LRRC4C: variants seen among roughly 807,000 people sequenced by gnomAD.
LRRC4C encodes leucine-rich repeat-containing protein 4C.
LRRC4C carries 5 observed loss-of-function variants against 33.6 expected under a neutral mutation model. That is an observed-to-expected ratio of 0.15 (90% CI 0.08 to 0.31). The LOEUF (loss-of-function observed/expected upper bound fraction) is 0.31. LRRC4C is among the 10% of genes least tolerant of loss of function. The pLI is 1.00. For synonymous variants in LRRC4C, 329 were observed against 302.0 expected, an observed-to-expected ratio of 1.09 and a Z score of -0.93; for missense variants, 560 against 796.7, an observed-to-expected ratio of 0.70 and a Z score of 3.58.
intron 2 of LRRC4C, among the ~76,000 whole-genome samples, chr11:40,882,479 T>C (rs899157102): frequency 6.6e-6 from 1 of 152,066 alleles, no homozygotes. Context: ...ATTTTGGCAT[T>C]GCTCTTTCTT....
At chr11:41,266,012 G>C (rs1190204465) in intron 1 of LRRC4C, among the ~76,000 whole-genome samples, 1 of 152,012 alleles carries the variant, frequency 6.6e-6, no homozygotes, top group Admixed American at 6.6e-5. Flanking sequence ...TCACATGGTA[G>C]CTGGGAGATA....
rs1288195075 is a variant in LRRC4C, at chr11:41,374,853, G to T, written c.-496+84578C>A. 2.6e-5 allele frequency among the ~76,000 whole-genome samples: 4 copies of T among 152,134 alleles called. No individual in the cohort carries two copies. The East Asian group carries it at 7.7e-4, about 29-fold the overall frequency. On this transcript the variant is annotated intron_variant, in intron 1 of 6. Coordinates refer to ENST00000528697, the MANE Select transcript of LRRC4C (RefSeq NM_001258419.2). Reference sequence around the variant, plus strand: ...TAACCTTAAAATATTATAGGAAAATGGCTGGGCATGGTGCCTCACACCAGT... The same window carrying T: ...TAACCTTAAAATATTATAGGAAAATTGCTGGGCATGGTGCCTCACACCAGT...
chr11:40,974,129 A>G (rs1174279653), intron 1 of LRRC4C, among the ~76,000 whole-genome samples: 2 of 152,216 alleles, frequency 1.3e-5, no homozygotes, highest in East Asian at 3.8e-4. Flanking sequence ...TTCATCCCAT[A>G]TAGGAAGTAT....
intron 1 of LRRC4C, among the ~76,000 whole-genome samples, chr11:41,408,568 A>G (rs1016826477): frequency 2.6e-5 from 4 of 152,150 alleles, no homozygotes; most frequent in Non-Finnish European, 4.4e-5. Flanking sequence ...AGTATCTGCC[A>G]GGATACCTAA....
At chr11:41,181,338 A>G (rs1565457246) in intron 1 of LRRC4C, among the ~76,000 whole-genome samples, 1 of 152,154 alleles carries the variant, frequency 6.6e-6, no homozygotes, top group African/African-American at 2.4e-5. Context: ...ATACTGAAAC[A>G]GTGATCTCTG....
chr11:40,368,990 GA>G (rs1281547218), intron 3 of LRRC4C, among the ~76,000 whole-genome samples: 1 of 152,200 alleles, frequency 6.6e-6, no homozygotes, highest in Non-Finnish European at 1.5e-5. Flanking sequence ...GCAAATAAAT[GA>G]GGCTCATAAA....
At chr11:40,310,515 T>C (rs1945253191) in intron 4 of LRRC4C, among the ~76,000 whole-genome samples, 1 of 152,198 alleles carries the variant, frequency 6.6e-6, no homozygotes, top group Non-Finnish European at 1.5e-5. Flanking sequence ...TCTATAATCG[T>C]GCATCAATCG....
chr11:41,150,617 C>A (rs1943947618), intron 1 of LRRC4C, among the ~76,000 whole-genome samples: 1 of 151,812 alleles, frequency 6.6e-6, no homozygotes, highest in South Asian at 2.1e-4. Context: ...TGGTAAAACC[C>A]CATCTCTACT....
At chr11:41,279,959 C>T (rs1286345731) in intron 1 of LRRC4C, among the ~76,000 whole-genome samples, 2 of 151,798 alleles carry the variant, frequency 1.3e-5, no homozygotes, top group Non-Finnish European at 2.9e-5. Context: ...TCATTATTTT[C>T]CTGATCTCTC....
In LRRC4C at chr11:40,825,228, A is replaced by G. The variant is rs896728230; in HGVS notation, c.-407+108407T>C. Among the ~76,000 whole-genome samples, 6 of 152,024 alleles carry G rather than the reference A, an allele frequency of 3.9e-5. No homozygotes were observed. The South Asian group carries it at 1.2e-3, about 31-fold the overall frequency. ...ACATTGAATCATCAGTCTTTAGAGT[A>G]CAAATTCTACCTAAGTGTGTATAAA... On this transcript the variant is annotated intron_variant, in intron 2 of 6. Transcript: ENST00000528697.
chr11:40,470,737 T>C (rs985685953), intron 3 of LRRC4C, among the ~76,000 whole-genome samples: 3 of 151,976 alleles, frequency 2.0e-5, no homozygotes, highest in Admixed American at 6.6e-5. Flanking sequence ...TTGTGAAGCA[T>C]ACAAAAATAT....
chr11:41,222,274 C>T (rs1197696707), intron 1 of LRRC4C, among the ~76,000 whole-genome samples: 1 of 152,152 alleles, frequency 6.6e-6, no homozygotes, highest in Non-Finnish European at 1.5e-5. Context: ...AAGGTTCTAT[C>T]ACTTAACAGC....
At chr11:40,943,815 C>T (rs570814915) in intron 1 of LRRC4C, among the ~76,000 whole-genome samples, 1 of 152,224 alleles carries the variant, frequency 6.6e-6, no homozygotes, top group South Asian at 2.1e-4. Context: ...ATGTTTAAAA[C>T]CCATAAAAAC....
intron 2 of LRRC4C, among the ~76,000 whole-genome samples, chr11:40,684,551 C>T (rs998342882): frequency 2.0e-5 from 3 of 151,574 alleles, no homozygotes; most frequent in African/African-American, 7.3e-5. Context: ...AAAATCTTGG[C>T]AGAGTAATAA....
At chr11:40,726,270 C>G (rs1467409479) in intron 2 of LRRC4C, among the ~76,000 whole-genome samples, 1 of 151,438 alleles carries the variant, frequency 6.6e-6, no homozygotes, top group Non-Finnish European at 1.5e-5. Context: ...CCAGAAAAAT[C>G]AAGGAGGATG....
At chr11:41,208,813 G>T (rs1044648055) in intron 1 of LRRC4C, among the ~76,000 whole-genome samples, 1 of 152,282 alleles carries the variant, frequency 6.6e-6, no homozygotes, top group Admixed American at 6.5e-5. Flanking sequence ...CCACCTCCTT[G>T]GTTTTAGTGG....
At chr11:41,323,910 C>T (rs1037271228) in intron 1 of LRRC4C, among the ~76,000 whole-genome samples, 5 of 152,058 alleles carry the variant, frequency 3.3e-5, no homozygotes, top group African/African-American at 1.2e-4. Context: ...TTAATTAAAT[C>T]TCTGAACCAA....
chr11:40,453,469 A>G (rs1188300415), intron 3 of LRRC4C, among the ~76,000 whole-genome samples: 1 of 152,174 alleles, frequency 6.6e-6, no homozygotes, highest in Non-Finnish European at 1.5e-5. Context: ...AGATATTGAA[A>G]GAAATAATTA....
chr11:40,474,172 G>A (rs59853398), intron 3 of LRRC4C, among the ~76,000 whole-genome samples: 6,330 of 151,444 alleles, frequency 0.042, 411 homozygotes, highest in African/African-American at 0.14. Flanking sequence ...AAACAAAGCT[G>A]GAAGCATCAG....
Sources: gnomAD v4.1 joint callset for allele counts (sites outside exome capture counted in the v4.1 genomes callset) on GRCh38, gnomAD v4.1.1 for gene constraint, MANE v1.5 for transcripts, NCBI Gene and HGNC (gene_info 2026-07-23, HGNC 2026-07-21) for gene names.